The following TRABD2B variants were observed in gnomAD, a reference collection of about 807,000 sequenced individuals.
TRABD2B encodes metalloprotease TIKI2.
Under a neutral mutation model 40.1 loss-of-function variants are expected in TRABD2B, and 14 were observed. That is an observed-to-expected ratio of 0.35 (90% confidence interval 0.23 to 0.55). The LOEUF is 0.55. Ranked by LOEUF, TRABD2B falls within the 20% of genes least tolerant of loss-of-function variation. The pLI, the probability that TRABD2B is intolerant of heterozygous loss-of-function variation, is 0.90. For missense variants in TRABD2B, 541 were observed against 648.6 expected, an observed-to-expected ratio of 0.83 and a Z score of 1.80; for synonymous variants, 263 against 277.0, an observed-to-expected ratio of 0.95 and a Z score of 0.50.
intron 2 of TRABD2B, among the ~76,000 whole-genome samples, chr1:47,937,666 C>T (rs1645131660): frequency 6.6e-6 from 1 of 151,796 alleles, no homozygotes; most frequent in African/African-American, 2.4e-5. Flanking sequence ...AGCTTCCTGT[C>T]ACAGGTAAGA....
intron 2 of TRABD2B, among the ~76,000 whole-genome samples, chr1:47,912,526 A>C (rs1325804714): frequency 5.3e-5 from 8 of 152,224 alleles, no homozygotes; most frequent in Non-Finnish European, 7.3e-5. Flanking sequence ...CCATCCCACC[A>C]CCTGGGATTT....
intron 2 of TRABD2B, among the ~76,000 whole-genome samples, chr1:47,821,101 T>C (rs958042650): frequency 6.6e-6 from 1 of 152,166 alleles, no homozygotes; most frequent in African/African-American, 2.4e-5. Flanking sequence ...GAGCACAGGC[T>C]CTCACCCTCT....
At chr1:47,924,835 A>T (rs1011908447) in intron 2 of TRABD2B, among the ~76,000 whole-genome samples, 1 of 152,102 alleles carries the variant, frequency 6.6e-6, no homozygotes, top group African/African-American at 2.4e-5. Context: ...CTGCCTGGGG[A>T]TGGGAAAGGT....
chr1:47,833,696 G>A (rs940751905), intron 2 of TRABD2B, among the ~76,000 whole-genome samples: 3 of 152,180 alleles, frequency 2.0e-5, no homozygotes, highest in South Asian at 2.1e-4. Flanking sequence ...AGATCTTCAG[G>A]ACATTGCCTT....
chr1:47,788,294 T>C (rs1384799630), intron 4 of TRABD2B, among the ~76,000 whole-genome samples: 1 of 152,156 alleles, frequency 6.6e-6, no homozygotes, highest in Non-Finnish European at 1.5e-5. Context: ...ATCTCTCCCT[T>C]CTCTCAAGCC....
chr1:47,960,130 T>C (rs1001928710), intron 2 of TRABD2B, among the ~76,000 whole-genome samples: 1 of 152,162 alleles, frequency 6.6e-6, no homozygotes, highest in Non-Finnish European at 1.5e-5. Context: ...ATTATCTCAA[T>C]AGATGCAGAA....
At chr1:47,938,834 A>T (rs549616717) in intron 2 of TRABD2B, among the ~76,000 whole-genome samples, 4 of 152,324 alleles carry the variant, frequency 2.6e-5, no homozygotes, top group African/African-American at 9.6e-5. Flanking sequence ...TTCTTCTGGA[A>T]GCAGGGATTT....
chr1:47,796,121 G>C (rs1249990678), intron 3 of TRABD2B, among the ~76,000 whole-genome samples: 1 of 152,176 alleles, frequency 6.6e-6, no homozygotes, highest in Non-Finnish European at 1.5e-5. Flanking sequence ...CCAACATTTT[G>C]TCTTTCCAAC....
intron 2 of TRABD2B, among the ~76,000 whole-genome samples, chr1:47,893,657 A>G (rs1557641287): frequency 6.6e-6 from 1 of 152,230 alleles, no homozygotes; most frequent in Non-Finnish European, 1.5e-5. Context: ...TTTGACAATG[A>G]GTACACTGCA....
chr1:47,843,793 C>G (rs898345236), intron 2 of TRABD2B, among the ~76,000 whole-genome samples: 1 of 152,168 alleles, frequency 6.6e-6, no homozygotes, highest in Admixed American at 6.5e-5. Context: ...CTGCTGACAA[C>G]AGGACTCCCT....
At chr1:47,774,859 C>A (rs980590348) in intron 6 of TRABD2B, among the ~76,000 whole-genome samples, 11 of 152,242 alleles carry the variant, frequency 7.2e-5, no homozygotes, top group Admixed American at 6.5e-4. Context: ...GTCCATGGGA[C>A]AAATGGCGCC....
chr1:47,979,416 C>G (rs1645808223), intron 2 of TRABD2B, among the ~76,000 whole-genome samples: 3 of 152,162 alleles, frequency 2.0e-5, no homozygotes, highest in Admixed American at 2.0e-4. Context: ...ATGCCACTTT[C>G]CAGTGAGGTC....
chr1:47,960,793 A>G (rs1645501949), intron 2 of TRABD2B, among the ~76,000 whole-genome samples: 1 of 152,184 alleles, frequency 6.6e-6, no homozygotes, highest in African/African-American at 2.4e-5. Flanking sequence ...TGCCCAAGGT[A>G]ATTTATAGAT....
chr1:47,805,604 G>A (rs1332978600), intron 2 of TRABD2B, among the ~76,000 whole-genome samples: 1 of 152,156 alleles, frequency 6.6e-6, no homozygotes, highest in Non-Finnish European at 1.5e-5. Context: ...ACTGCAAGAA[G>A]AGGTATGCTG....
intron 2 of TRABD2B, among the ~76,000 whole-genome samples, chr1:47,810,097 G>A (rs1365134936): frequency 1.3e-5 from 2 of 152,110 alleles, no homozygotes; most frequent in Admixed American, 1.3e-4. Context: ...GTTGGAGAGT[G>A]ATAGTTGCTA....
At chr1:47,904,390 T>A (rs1357466318) in intron 2 of TRABD2B, among the ~76,000 whole-genome samples, 2 of 151,918 alleles carry the variant, frequency 1.3e-5, no homozygotes, top group African/African-American at 4.9e-5. Flanking sequence ...GTGAAGACAT[T>A]TATATGATGG....
intron 4 of TRABD2B, among the ~76,000 whole-genome samples, chr1:47,793,519 G>C (rs543975879): frequency 3.8e-4 from 58 of 152,344 alleles, no homozygotes; most frequent in Middle Eastern, 3.4e-3. Flanking sequence ...TAGACTGACT[G>C]CTCGCCCTGG....
At chr1:47,839,302 C>T (rs1239344268) in intron 2 of TRABD2B, among the ~76,000 whole-genome samples, 3 of 152,036 alleles carry the variant, frequency 2.0e-5, no homozygotes, top group African/African-American at 4.8e-5. Flanking sequence ...TATGGGATGG[C>T]CTTTAGCTCT....
intron 2 of TRABD2B, among the ~76,000 whole-genome samples, chr1:47,926,990 A>G (rs1017220682): frequency 6.6e-6 from 1 of 152,240 alleles, no homozygotes; most frequent in Non-Finnish European, 1.5e-5. Context: ...ACATCTATAC[A>G]CAGGCACTAT....
Sources: gnomAD v4.1 joint callset for allele counts (sites outside exome capture counted in the v4.1 genomes callset) on GRCh38, gnomAD v4.1.1 for gene constraint, MANE v1.5 for transcripts, NCBI Gene and HGNC (gene_info 2026-07-23, HGNC 2026-07-21) for gene names.